The following RNF138 variants were observed in gnomAD, a reference collection of about 807,000 sequenced individuals.
RNF138 encodes ring finger protein 138.
In RNF138, 12 loss-of-function variants were observed where a neutral mutation model predicts 31.0. The observed-to-expected ratio is 0.39, with a 90% CI of 0.25 to 0.63. The LOEUF (loss-of-function observed/expected upper bound fraction) is 0.63, where lower values mean the gene tolerates loss of function less well. Ranked by LOEUF, RNF138 falls within the 20% of genes least tolerant of loss-of-function variation. The pLI, the probability that RNF138 is intolerant of heterozygous loss-of-function variation, is 0.52. For synonymous variants in RNF138, 105 were observed against 99.5 expected, an observed-to-expected ratio of 1.06 and a Z score of -0.33; for missense variants, 192 against 300.1, an observed-to-expected ratio of 0.64 and a Z score of 2.66.
At chr18:32,107,400 T>G (rs2040052249) in intron 2 of RNF138, among the ~76,000 whole-genome samples, 1 of 151,916 alleles carries the variant, frequency 6.6e-6, no homozygotes, top group African/African-American at 2.4e-5. Flanking sequence ...GGATTACAGG[T>G]GTGAGCCACT....
At chr18:32,095,528 C>G (rs913801250) in intron 2 of RNF138, among the ~76,000 whole-genome samples, 1 of 152,170 alleles carries the variant, frequency 6.6e-6, no homozygotes, top group African/African-American at 2.4e-5. Context: ...TCACAAAGGA[C>G]AGACCTATGC....
intron 2 of RNF138, among the ~76,000 whole-genome samples, chr18:32,108,188 G>A (rs1211794030): frequency 2.0e-5 from 3 of 152,130 alleles, no homozygotes; most frequent in Non-Finnish European, 4.4e-5. Context: ...AATGCATACA[G>A]AAACGTGTCC....
rs2039697849 is a variant in RNF138 at position 32,092,025 on chromosome 18, G to A, written c.-288G>A. On this transcript the variant is annotated 5_prime_UTR_variant, in exon 1 of 8. Coordinates refer to ENST00000261593, the MANE Select transcript of RNF138 (RefSeq NM_016271.5). ...ATGCCAAGACAGAGCTGCTGGCGGC[G>A]GCGGGCGAATCTCCCTGCACCATGA... 1 of 152,610 alleles carries A rather than the reference G, an allele frequency of 6.6e-6. No homozygotes were observed. The highest frequency in any genetic ancestry group is 6.5e-5 in the Admixed American group (1 of 15,294). 9.5% of individuals were successfully genotyped at this position (152,610 alleles called of 1,614,324 possible).
chr18:32,099,670 T>C (rs2039883816), intron 2 of RNF138, among the ~76,000 whole-genome samples: 1 of 152,208 alleles, frequency 6.6e-6, no homozygotes, highest in African/African-American at 2.4e-5. Flanking sequence ...CCTCCCAAAG[T>C]GCTAGGATTA....
chr18:32,099,987 A>T (rs1386742561), intron 2 of RNF138, among the ~76,000 whole-genome samples: 1 of 152,216 alleles, frequency 6.6e-6, no homozygotes, highest in Non-Finnish European at 1.5e-5. Context: ...TGTCTTGTTC[A>T]TGGAAAGTGC....
At chr18:32,104,318 G>A (rs1424273096) in intron 2 of RNF138, among the ~76,000 whole-genome samples, 1 of 150,936 alleles carries the variant, frequency 6.6e-6, no homozygotes, top group Non-Finnish European at 1.5e-5. Context: ...TGGCCTAAAA[G>A]TTTAAAAAAA....
At chr18:32,104,259 C>T (rs78501371) in intron 2 of RNF138, among the ~76,000 whole-genome samples, 2 of 152,044 alleles carry the variant, frequency 1.3e-5, no homozygotes, top group East Asian at 3.9e-4. Flanking sequence ...ATGATCCCCC[C>T]ACTTCGGCGT....
rs2039714320 is a variant in RNF138 at position 32,092,603 on chromosome 18, T to C, written c.-77-97T>C. 14 of 591,212 alleles carry C rather than the reference T, an allele frequency of 2.4e-5. No individual in the cohort carries two copies. In the South Asian group the frequency reaches 2.5e-4, roughly 11 times the overall value. The allele number at this position is 591,212 out of a possible 1,614,324, so 36.6% of individuals were successfully genotyped here. On this transcript the variant is annotated intron_variant, in intron 1 of 7. Coordinates refer to ENST00000261593, the MANE Select transcript of RNF138 (RefSeq NM_016271.5). ...TTGCCCGGCGCGTGCGGCAGTAGCG[T>C]CTCTGCGTTCGGCCCCGCCCTACCC...
chr18:32,092,614 G>T, intron 1 of RNF138, 86 bp from the exon 2 acceptor site: 2 of 599,778 alleles, frequency 3.3e-6, no homozygotes, highest in South Asian at 3.8e-5. Context: ...CTCTGCGTTC[G>T]GCCCCGCCCT....
chr18:32,114,326 ATTTCT>A (rs1274994347), intron 4 of RNF138, among the ~76,000 whole-genome samples: 1 of 152,144 alleles, frequency 6.6e-6, no homozygotes, highest in African/African-American at 2.4e-5. Flanking sequence ...TTTGAGTCTC[ATTTCT>A]TTTAAACAAC....
chr18:32,107,893 C>T (rs1187048442), intron 2 of RNF138, among the ~76,000 whole-genome samples: 4 of 151,966 alleles, frequency 2.6e-5, no homozygotes, highest in Admixed American at 6.6e-5. Flanking sequence ...GACGGATTCT[C>T]GCTCTGTCGC....
At chr18:32,116,019 T>A (rs1452856686) in intron 4 of RNF138, among the ~76,000 whole-genome samples, 2 of 152,228 alleles carry the variant, frequency 1.3e-5, no homozygotes, top group African/African-American at 2.4e-5. Context: ...GTCAAGAAAC[T>A]GCCTCAGTTG....
At chr18:32,097,944 ATGTG>A (rs34814991) in intron 2 of RNF138, among the ~76,000 whole-genome samples, 7,105 of 87,272 alleles carry the variant, frequency 0.081, 219 homozygotes, top group Middle Eastern at 0.13. Flanking sequence ...GTATGTATAT[ATGTG>A]TGTGTGTGTG....
At chr18:32,101,225 TTTTTTC>T (rs1279063059) in intron 2 of RNF138, among the ~76,000 whole-genome samples, 1 of 151,118 alleles carries the variant, frequency 6.6e-6, no homozygotes, top group African/African-American at 2.4e-5. Context: ...TTTTTTTTTT[TTTTTTC>T]AAAGACAGAG....
chr18:32,118,860 A>C (rs1178464226), intron 4 of RNF138, among the ~76,000 whole-genome samples: 2 of 151,974 alleles, frequency 1.3e-5, no homozygotes, highest in Admixed American at 6.6e-5. Context: ...TAATAATAAT[A>C]ATCCTTCATT....
chr18:32,118,876 C>T (rs1022200203), intron 4 of RNF138, among the ~76,000 whole-genome samples: 29 of 152,094 alleles, frequency 1.9e-4, no homozygotes, highest in African/African-American at 7.0e-4. Flanking sequence ...TCATTACATG[C>T]ATTGCAGATA....
chr18:32,096,811 C>T (rs889284554), intron 2 of RNF138, among the ~76,000 whole-genome samples: 4 of 152,210 alleles, frequency 2.6e-5, no homozygotes, highest in East Asian at 3.9e-4. Flanking sequence ...ACTGCAGCCT[C>T]GACCTCCCAG....
intron 5 of RNF138, 86 bp from the exon 6 acceptor site, chr18:32,124,648 A>G (rs1004028926): frequency 4.2e-6 from 3 of 705,990 alleles, no homozygotes; most frequent in Admixed American, 4.6e-5. Flanking sequence ...TTTTTAAAAA[A>G]TGTATAGTGA....
In RNF138 at chr18:32,131,285, A is replaced by ATGAT. The variant is rs913247958; in HGVS notation, c.*2101_*2104dup. ...TATCTGAGAATTTCTCAGTATGAAA[A>ATGAT]TGATTGTTTAAAATTTCCCCTCTTT... On this transcript the variant is annotated 3_prime_UTR_variant, in exon 8 of 8. Transcript: ENST00000261593. The ATGAT allele has an allele frequency of 1.3e-5, 2 of 151,758 alleles. No homozygotes were observed. Among genetic ancestry groups the ATGAT allele is most frequent in the South Asian group, 2.1e-4 (1 of 4,796 alleles). The allele number at this position is 151,758 out of a possible 1,614,324, so 9.4% of individuals were successfully genotyped here. A position where few individuals can be genotyped will look rare whatever the true frequency, so the allele number is the denominator to read the frequency against.
Sources: gnomAD v4.1 joint callset for allele counts (sites outside exome capture counted in the v4.1 genomes callset) on GRCh38, gnomAD v4.1.1 for gene constraint, MANE v1.5 for transcripts, NCBI Gene and HGNC (gene_info 2026-07-23, HGNC 2026-07-21) for gene names.